Variants in VWA5A observed in about 807,000 individuals in gnomAD.
The protein encoded by VWA5A is von Willebrand factor A domain containing 5A.
VWA5A carries 77 observed loss-of-function variants against 84.6 expected under a neutral mutation model. The observed-to-expected ratio is 0.91, with a 90% confidence interval of 0.76 to 1.10. The LOEUF (loss-of-function observed/expected upper bound fraction) is 1.10. Among genes scored for constraint, VWA5A ranks in the 50% least tolerant of loss-of-function variants. The pLI is 0.00. For synonymous variants in VWA5A, 334 were observed against 350.1 expected, an observed-to-expected ratio of 0.95 and a Z score of 0.51; for missense variants, 973 against 963.0, an observed-to-expected ratio of 1.01 and a Z score of -0.14.
At chr11:124,121,404 T>C (rs371574697) in intron 7 of VWA5A, among the ~76,000 whole-genome samples, 2 of 152,318 alleles carry the variant, frequency 1.3e-5, no homozygotes, top group African/African-American at 4.8e-5. Context: ...GTCTGTGGGC[T>C]GCATGTGGCC....
intron 11 of VWA5A, among the ~76,000 whole-genome samples, chr11:124,134,283 A>C (rs1307287093): frequency 1.3e-5 from 2 of 152,214 alleles, no homozygotes; most frequent in African/African-American, 4.8e-5. Context: ...ACATAAACCA[A>C]AATTGCAGGG....
chr11:124,144,224 T>A (rs918064424), intron 17 of VWA5A, among the ~76,000 whole-genome samples: 4 of 151,970 alleles, frequency 2.6e-5, no homozygotes, highest in African/African-American at 9.7e-5. Flanking sequence ...AAAAGCTAAG[T>A]ACTGTTTTGG....
intron 7 of VWA5A, among the ~76,000 whole-genome samples, chr11:124,119,999 T>A (rs1864905313): frequency 6.6e-6 from 1 of 152,150 alleles, no homozygotes; most frequent in Non-Finnish European, 1.5e-5. Context: ...TCAACTGAAG[T>A]TTTTTTCTCT....
intron 11 of VWA5A, among the ~76,000 whole-genome samples, chr11:124,129,054 G>C (rs997692032): frequency 6.6e-6 from 1 of 152,150 alleles, no homozygotes; most frequent in Non-Finnish European, 1.5e-5. Flanking sequence ...TCCTTGTCTT[G>C]TGCCCGTTTT....
At chr11:124,136,486 G>T in intron 13 of VWA5A, 88 bp from the exon 14 acceptor site, 1 of 1,459,554 alleles carries the variant, frequency 6.9e-7, no homozygotes, top group Non-Finnish European at 9.5e-7. Flanking sequence ...TTCATACATT[G>T]TTTTGGGTAC....
At chr11:124,138,785 C>A (rs911389483) in intron 15 of VWA5A, among the ~76,000 whole-genome samples, 3 of 152,040 alleles carry the variant, frequency 2.0e-5, no homozygotes, top group African/African-American at 7.2e-5. Context: ...CAAGAGGTAA[C>A]CTCGTTTATC....
chr11:124,144,831 T>C (rs1014972497), intron 17 of VWA5A, among the ~76,000 whole-genome samples: 3 of 152,154 alleles, frequency 2.0e-5, no homozygotes, highest in African/African-American at 7.2e-5. Context: ...ATGAAATCAG[T>C]TTTCTTTCTT....
chr11:124,145,413 G>A (rs773391264), intron 18 of VWA5A, 50 bp downstream of exon 18: 9 of 1,554,698 alleles, frequency 5.8e-6, no homozygotes, highest in South Asian at 1.3e-5. Context: ...CTGGCCTGGC[G>A]GAAGGTGACC....
At chr11:124,127,278 G>A (rs1865032794) in intron 11 of VWA5A, among the ~76,000 whole-genome samples, 2 of 150,968 alleles carry the variant, frequency 1.3e-5, no homozygotes, top group Admixed American at 1.3e-4. Context: ...TTGGTTTTCT[G>A]TTCCTGTGTT....
chr11:124,136,742 TTCCTTCATTCCC>T lies in VWA5A; in HGVS notation c.1625+72_1625+83del, dbSNP rs1439174011. 8.4e-6 allele frequency: 9 copies of T among 1,069,844 alleles called. No homozygotes were observed. In the African/African-American group the frequency reaches 9.7e-5, roughly 12 times the overall value. 66.3% of individuals were successfully genotyped at this position (1,069,844 alleles called of 1,614,324 possible). A position where few individuals can be genotyped will look rare whatever the true frequency, so the allele number is the denominator to read the frequency against. The stretch of plus-strand genomic sequence containing the variant: ...CTTCCTTCCTTCCTTCCTTCCTTCC[TTCCTTCATTCCC>T]TCCCTCCCTCCCTCCCTCCCTCCCT... On this transcript the variant is annotated intron_variant, in intron 14 of 18. Transcript: ENST00000456829.
chr11:124,123,628 C>T (rs763108674), intron 9 of VWA5A, 32 bp from the exon 10 acceptor site: 2 of 1,614,070 alleles, frequency 1.2e-6, no homozygotes, highest in South Asian at 2.2e-5. Flanking sequence ...TTAAGTAACC[C>T]TCATGTAACT....
At chr11:124,139,009 C>T (rs928738790) in intron 15 of VWA5A, among the ~76,000 whole-genome samples, 7 of 152,162 alleles carry the variant, frequency 4.6e-5, no homozygotes, top group Non-Finnish European at 1.0e-4. Context: ...CCAGTTTTCC[C>T]AATGCCATTT....
In VWA5A at chr11:124,142,581, C is replaced by A; in HGVS notation, c.2154+9C>A. On this transcript the variant is annotated intron_variant, in intron 17 of 18. Transcript: ENST00000456829. ...CTGCACAGCCTGCCGAGGTAAGATT[C>A]AATGGAAAAAGGAGTATGTATGTTT... 1 of 1,612,584 alleles carries A rather than the reference C, an allele frequency of 6.2e-7. No homozygotes were observed. Among genetic ancestry groups the A allele is most frequent in the South Asian group, 1.1e-5 (1 of 90,876 alleles).
chr11:124,123,933 AGAAAAAAAAAAGATGAT>A, intron 10 of VWA5A, 129 bp downstream of exon 10: 1 of 1,306,062 alleles, frequency 7.7e-7, no homozygotes, highest in Non-Finnish European at 1.0e-6. Context: ...TATAGTAAAC[AGAAAAAAAAAAGATGAT>A]GCATTTGTCT....
Position 124,118,255 on chromosome 11 carries a change from A to T in VWA5A, c.313A>T (p.Ser105Cys), listed in dbSNP as rs773884993. 7 of 1,614,216 alleles carry T rather than the reference A, an allele frequency of 4.3e-6. No individual in the cohort carries two copies. Among genetic ancestry groups the T allele is most frequent in the Non-Finnish European group, 2.5e-6 (3 of 1,180,040 alleles). The change falls in exon 5 of 19, where the codon AGC becomes TGC. Residue 105 changes from serine to cysteine, a missense_variant. Ser to Cys is a moderately radical substitution (Grantham distance 112). Transcript: ENST00000456829. ...HQAFLLEGDS[S>C]SRDVFSCNVG... ...GGCCTTCTTATTGGAGGGGGACAGC[A>T]GCTCCAGGGATGTCTTCTCTTGCAA...
At chr11:124,124,341 G>T (rs770824158) in intron 11 of VWA5A, 25 bp downstream of exon 11, 2 of 1,611,726 alleles carry the variant, frequency 1.2e-6, no homozygotes, top group South Asian at 2.2e-5. Flanking sequence ...TGATTTCCGG[G>T]TGATTGGTGC....
intron 7 of VWA5A, among the ~76,000 whole-genome samples, chr11:124,122,197 C>G (rs1042795972): frequency 8.5e-5 from 13 of 152,212 alleles, no homozygotes; most frequent in Admixed American, 5.9e-4. Context: ...TTCTGTAAAG[C>G]TGGAGTTAAC....
At chr11:124,136,422 C>A in intron 13 of VWA5A, 129 bp downstream of exon 13, 2 of 1,450,714 alleles carry the variant, frequency 1.4e-6, no homozygotes, top group Non-Finnish European at 1.9e-6. Flanking sequence ...CTACTTCCTT[C>A]CCATCATTTC....
At position 124,143,463 on chromosome 11, in the gene VWA5A, A is replaced by G. The variant is rs187109169; in HGVS notation, c.2154+891A>G. Among the ~76,000 whole-genome samples, 239 of 152,298 alleles carry G rather than the reference A, an allele frequency of 1.6e-3. 1 individual carries two copies. Among genetic ancestry groups the G allele is most frequent in the African/African-American group, 5.5e-3 (227 of 41,562 alleles). On this transcript the variant is annotated intron_variant, in intron 17 of 18. Coordinates refer to ENST00000456829, the MANE Select transcript of VWA5A (RefSeq NM_001130142.2). ...CTATTGTGCCTTTGAAACGTGGCTA[A>G]TACAAATGAGGAACTGAATTTTTAA...
Sources: allele counts gnomAD v4.1 joint callset (sites outside exome capture counted in the v4.1 genomes callset), GRCh38; gene constraint gnomAD v4.1.1; transcripts MANE v1.5; gene names NCBI Gene and HGNC (gene_info 2026-07-23, HGNC 2026-07-21).